Variants in CNTNAP2 observed in about 807,000 individuals in gnomAD.
The protein encoded by CNTNAP2 is contactin associated protein 2.
CNTNAP2 carries 98 observed loss-of-function variants against 155.2 expected under a neutral mutation model. The ratio of observed to expected loss-of-function variants is 0.63; its 90% CI spans 0.54 to 0.75. CNTNAP2 has a LOEUF of 0.75. Among genes scored for constraint, CNTNAP2 ranks in the 30% least tolerant of loss-of-function variants. CNTNAP2 has a pLI of 0.00. For missense variants in CNTNAP2, 1,727 were observed against 1,688.1 expected (o/e 1.02, Z -0.40); for synonymous variants, 651 against 631.2 (o/e 1.03, Z -0.47).
intron 3 of CNTNAP2, among the ~76,000 whole-genome samples, chr7:146,858,027 G>A (rs781667551): frequency 2.6e-5 from 4 of 152,162 alleles, no homozygotes; most frequent in South Asian, 2.1e-4. Context: ...GAAAGAAGAC[G>A]TGACATTAGC....
chr7:148,356,669 C>T (rs1798521555), intron 21 of CNTNAP2, among the ~76,000 whole-genome samples: 1 of 152,048 alleles, frequency 6.6e-6, no homozygotes, highest in African/African-American at 2.4e-5. Context: ...TTCTATTTGC[C>T]AAACATGGAC....
At chr7:147,128,049 G>A (rs570818004) in intron 6 of CNTNAP2, among the ~76,000 whole-genome samples, 18 of 152,092 alleles carry the variant, frequency 1.2e-4, no homozygotes, top group African/African-American at 4.1e-4. Flanking sequence ...AAGTAGCATT[G>A]TCTTATTTCT....
At chr7:146,488,586 A>G (rs1797093194) in intron 1 of CNTNAP2, among the ~76,000 whole-genome samples, 1 of 151,836 alleles carries the variant, frequency 6.6e-6, no homozygotes. Flanking sequence ...TGCCTAATGA[A>G]ACGCTCTTAA....
At chr7:147,280,549 A>G (rs1297307113) in intron 8 of CNTNAP2, among the ~76,000 whole-genome samples, 1 of 151,782 alleles carries the variant, frequency 6.6e-6, no homozygotes, top group Non-Finnish European at 1.5e-5. Flanking sequence ...GGGAAAGAAC[A>G]TTTTCTCTTT....
Position 146,621,827 on chromosome 7 carries a change from C to G in CNTNAP2, c.98-152444C>G, listed in dbSNP as rs1188889895. Among the ~76,000 whole-genome samples, 3 of 151,972 alleles carry G rather than the reference C, an allele frequency of 2.0e-5. No homozygotes were observed. In the East Asian group the frequency reaches 5.8e-4, roughly 29 times the overall value. Reference sequence around the variant, plus strand: ...TCACATGTAAGGCTATTATGTCTGCCTCTTTGAGGGCACAGTGTTGACATA... The same window carrying G: ...TCACATGTAAGGCTATTATGTCTGCGTCTTTGAGGGCACAGTGTTGACATA... On this transcript the variant is annotated intron_variant, in intron 1 of 23. Transcript: ENST00000361727.
At chr7:146,191,666 G>C (rs1172888947) in intron 1 of CNTNAP2, among the ~76,000 whole-genome samples, 1 of 152,112 alleles carries the variant, frequency 6.6e-6, no homozygotes. Flanking sequence ...CCCTGGGAAT[G>C]CGTTCTCTTT....
intron 3 of CNTNAP2, among the ~76,000 whole-genome samples, chr7:146,851,648 TTCTGTGTGTGTGTGTG>T (rs1204094373): frequency 7.5e-6 from 1 of 133,912 alleles, no homozygotes; most frequent in African/African-American, 2.9e-5. Flanking sequence ...ATCATCTTTC[TTCTGTGTGTGTGTGTG>T]TGTGTGTGTG....
intron 21 of CNTNAP2, among the ~76,000 whole-genome samples, chr7:148,281,046 C>G (rs574989103): frequency 6.6e-6 from 1 of 152,330 alleles, no homozygotes; most frequent in Non-Finnish European, 1.5e-5. Context: ...GCCATCCACC[C>G]TGGGGGAGCG....
intron 9 of CNTNAP2, among the ~76,000 whole-genome samples, chr7:147,387,609 T>G (rs1796644999): frequency 6.6e-6 from 1 of 152,142 alleles, no homozygotes; most frequent in Non-Finnish European, 1.5e-5. Flanking sequence ...GGGTACTTGG[T>G]GTATATATTT....
At chr7:146,473,416 C>A (rs561359015) in intron 1 of CNTNAP2, among the ~76,000 whole-genome samples, 31 of 152,024 alleles carry the variant, frequency 2.0e-4, no homozygotes, top group African/African-American at 7.2e-4. Context: ...TTCCTTTCTT[C>A]TTTTCCTATT....
chr7:147,604,179 T>C lies in CNTNAP2; in HGVS notation c.1898-34927T>C, dbSNP rs529344429. ...TAGGCGTGGGCAAGGACTTCATGTC[T>C]AAAACACCAAAAGCAATGGCAACAA... On this transcript the variant is annotated intron_variant, in intron 12 of 23. Transcript: ENST00000361727. Among the ~76,000 whole-genome samples, 538 of 151,828 alleles carry C rather than the reference T, an allele frequency of 3.5e-3. 14 individuals carry two copies. The highest frequency in any genetic ancestry group is 3.4e-3 in the Middle Eastern group (1 of 294).
intron 21 of CNTNAP2, among the ~76,000 whole-genome samples, chr7:148,298,529 T>G (rs1322967333): frequency 6.6e-6 from 1 of 151,920 alleles, no homozygotes; most frequent in East Asian, 1.9e-4. Flanking sequence ...AGATTGAGGG[T>G]GGGTCTGCCT....
At chr7:146,560,037 G>A (rs1228023264) in intron 1 of CNTNAP2, among the ~76,000 whole-genome samples, 1 of 151,990 alleles carries the variant, frequency 6.6e-6, no homozygotes, top group Admixed American at 6.6e-5. Context: ...ACTTTTATTT[G>A]CTTGCAGAAA....
At chr7:146,706,080 T>C (rs902556814) in intron 1 of CNTNAP2, among the ~76,000 whole-genome samples, 1 of 151,650 alleles carries the variant, frequency 6.6e-6, no homozygotes, top group Admixed American at 6.6e-5. Flanking sequence ...ATGCGTGGAC[T>C]CTAGATGCCA....
chr7:148,125,679 GTGTGTGTGTGTA>G (rs1804703220), intron 16 of CNTNAP2, among the ~76,000 whole-genome samples: 3 of 145,330 alleles, frequency 2.1e-5, no homozygotes, highest in African/African-American at 8.1e-5. Flanking sequence ...GTGTGTGTGT[GTGTGTGTGTGTA>G]TATATATATA....
At chr7:147,644,776 G>A (rs560310495) in intron 13 of CNTNAP2, among the ~76,000 whole-genome samples, 73 of 152,194 alleles carry the variant, frequency 4.8e-4, no homozygotes, top group South Asian at 3.7e-3. Context: ...CTATTATGCT[G>A]CCATTAAAAT....
intron 13 of CNTNAP2, among the ~76,000 whole-genome samples, chr7:147,765,286 C>T (rs1322113748): frequency 6.6e-6 from 1 of 152,122 alleles, no homozygotes; most frequent in Non-Finnish European, 1.5e-5. Flanking sequence ...GAGAGTGCTT[C>T]AAGATATATT....
At chr7:146,708,529 G>A (rs1801005881) in intron 1 of CNTNAP2, among the ~76,000 whole-genome samples, 1 of 131,098 alleles carries the variant, frequency 7.6e-6, no homozygotes, top group African/African-American at 3.0e-5. Flanking sequence ...TTATATTTCT[G>A]TAATTAAAAT....
chr7:148,078,809 T>A (rs1040153069), intron 15 of CNTNAP2, among the ~76,000 whole-genome samples: 2 of 152,090 alleles, frequency 1.3e-5, no homozygotes, highest in African/African-American at 2.4e-5. Context: ...ATTTTTAACT[T>A]GATTTTCCGA....
Sources: allele counts gnomAD v4.1 joint callset (sites outside exome capture counted in the v4.1 genomes callset), GRCh38; gene constraint gnomAD v4.1.1; transcripts MANE v1.5; gene names NCBI Gene and HGNC (gene_info 2026-07-23, HGNC 2026-07-21).